Variants in NAV3 observed in about 807,000 individuals in gnomAD.
NAV3 encodes the protein pore membrane and/or filament interacting like protein 1.
Under a neutral mutation model 244.7 loss-of-function variants are expected in NAV3, and 87 were observed. The ratio of observed to expected loss-of-function variants is 0.36; its 90% confidence interval spans 0.30 to 0.42. The LOEUF is 0.42. Among genes scored for constraint, NAV3 ranks in the 20% least tolerant of loss-of-function variants. The pLI is 1.00. For synonymous variants in NAV3, 1,126 were observed against 1,042.2 expected (o/e 1.08, Z -1.55); for missense variants, 2,663 against 2,893.3 (o/e 0.92, Z 1.83).
At chr12:77,745,258 G>A (rs1868477172) in intron 2 of NAV3, among the ~76,000 whole-genome samples, 3 of 152,006 alleles carry the variant, frequency 2.0e-5, no homozygotes, top group African/African-American at 7.2e-5. Flanking sequence ...GCATGCAACT[G>A]AGGTTTTCTT....
At chr12:77,654,389 G>A (rs1872978093) in intron 2 of NAV3, among the ~76,000 whole-genome samples, 1 of 152,226 alleles carries the variant, frequency 6.6e-6, no homozygotes, top group Non-Finnish European at 1.5e-5. Flanking sequence ...CAAGGCGGCA[G>A]CGAGGCTGGG....
intron 2 of NAV3, among the ~76,000 whole-genome samples, chr12:77,607,750 G>T (rs1446149305): frequency 6.6e-6 from 1 of 152,004 alleles, no homozygotes; most frequent in Non-Finnish European, 1.5e-5. Context: ...CTTAATCCCA[G>T]ACTGCCTTGC....
At chr12:78,095,064 T>TATACACAC (rs1272776469) in intron 12 of NAV3, among the ~76,000 whole-genome samples, 4 of 137,578 alleles carry the variant, frequency 2.9e-5, no homozygotes, top group African/African-American at 8.2e-5. Flanking sequence ...TATATATATA[T>TATACACAC]ACACACACAC....
intron 2 of NAV3, among the ~76,000 whole-genome samples, chr12:77,660,655 GT>G (rs1331919800): frequency 6.6e-6 from 1 of 152,082 alleles, no homozygotes; most frequent in Non-Finnish European, 1.5e-5. Flanking sequence ...ATACAGACAT[GT>G]TTAGGTATAA....
In NAV3 at chr12:77,742,115, C is replaced by A. The variant is rs192637880; in HGVS notation, c.72+169849C>A. Among the ~76,000 whole-genome samples, 120 of 152,064 alleles carry A rather than the reference C, an allele frequency of 7.9e-4. 2 individuals carry two copies. The highest frequency in any genetic ancestry group is 7.8e-3 in the Admixed American group (119 of 15,252). On this transcript the variant is annotated intron_variant, in intron 2 of 8. Transcript: ENST00000550042. The stretch of plus-strand genomic sequence containing the variant: ...TTTCTTCACTAGTATACCTAAAAAT[C>A]TTTGATTAGTGATCCATTTTTCATC...
intron 1 of NAV3, among the ~76,000 whole-genome samples, chr12:77,854,521 A>T (rs1024379500): frequency 2.0e-5 from 3 of 152,086 alleles, no homozygotes; most frequent in Admixed American, 6.6e-5. Context: ...TTTGATGTAA[A>T]AGTAACTGAA....
chr12:77,745,200 C>T (rs2137415832), intron 2 of NAV3, among the ~76,000 whole-genome samples: 1 of 152,092 alleles, frequency 6.6e-6, no homozygotes, highest in Admixed American at 6.6e-5. Flanking sequence ...TCAAATTAGT[C>T]ATTAAAACCA....
At chr12:77,961,026 G>A (rs1408149870) in intron 3 of NAV3, among the ~76,000 whole-genome samples, 1 of 130,726 alleles carries the variant, frequency 7.6e-6, no homozygotes, top group Non-Finnish European at 1.6e-5. Flanking sequence ...TATGTTACAT[G>A]TATACGCATA....
intron 1 of NAV3, among the ~76,000 whole-genome samples, chr12:77,880,170 T>A (rs543719425): frequency 6.6e-6 from 1 of 152,256 alleles, no homozygotes; most frequent in Non-Finnish European, 1.5e-5. Context: ...TAAAAATATA[T>A]CTGAACCTCC....
intron 8 of NAV3, among the ~76,000 whole-genome samples, chr12:78,020,059 C>G (rs539561337): frequency 2.0e-5 from 3 of 152,148 alleles, no homozygotes; most frequent in African/African-American, 7.2e-5. Flanking sequence ...TTTAGAGAGA[C>G]TATAGACAAA....
In NAV3 at chr12:77,671,679, G is replaced by A. The variant is rs114442352; in HGVS notation, c.72+99413G>A. On this transcript the variant is annotated intron_variant, in intron 2 of 8. Transcript: ENST00000550042. ...AGAGTGGGGAAAGGACACCCTATTC[G>A]ACAAATGATGGGATAATTGGCAAGC... Among the ~76,000 whole-genome samples the A allele has an allele frequency of 1.4e-3, 213 of 151,954 alleles. 1 individual carries two copies. The highest frequency in any genetic ancestry group is 4.2e-3 in the African/African-American group (175 of 41,514).
chr12:77,650,610 T>A (rs1233613148), intron 2 of NAV3, among the ~76,000 whole-genome samples: 1 of 152,190 alleles, frequency 6.6e-6, no homozygotes, highest in Non-Finnish European at 1.5e-5. Flanking sequence ...TTTCTATATG[T>A]GCTTGACTTT....
intron 39 of NAV3, among the ~76,000 whole-genome samples, chr12:78,208,528 ATCT>A (rs1421566133): frequency 6.6e-6 from 1 of 152,186 alleles, no homozygotes; most frequent in South Asian, 2.1e-4. Context: ...ATCATACGTA[ATCT>A]TCTCTTGTAA....
At chr12:77,915,929 G>A (rs749518747) in intron 1 of NAV3, among the ~76,000 whole-genome samples, 14 of 152,016 alleles carry the variant, frequency 9.2e-5, no homozygotes, top group Non-Finnish European at 1.8e-4. Context: ...CCAATGAGAT[G>A]AGTGAAAGTA....
intron 3 of NAV3, among the ~76,000 whole-genome samples, chr12:77,944,625 A>G (rs531753522): frequency 6.6e-6 from 1 of 152,190 alleles, no homozygotes; most frequent in Non-Finnish European, 1.5e-5. Context: ...GTTAGAATAT[A>G]CTGAAAAAAT....
chr12:77,773,472 A>G (rs1325085515), intron 2 of NAV3, among the ~76,000 whole-genome samples: 2 of 152,216 alleles, frequency 1.3e-5, no homozygotes, highest in Non-Finnish European at 2.9e-5. Flanking sequence ...ACTAAATGGT[A>G]GGAACATTTA....
chr12:78,176,566 T>C, intron 26 of NAV3, 107 bp downstream of exon 26: 3 of 988,416 alleles, frequency 3.0e-6, no homozygotes, highest in Non-Finnish European at 4.6e-6. Context: ...TAAAACAGAT[T>C]ACCTTGTATG....
intron 2 of NAV3, among the ~76,000 whole-genome samples, chr12:77,585,692 G>A (rs1869572282): frequency 6.6e-6 from 1 of 152,126 alleles, no homozygotes; most frequent in Admixed American, 6.5e-5. Context: ...CCTACAGGAG[G>A]TGATCGGGCA....
At chr12:77,859,845 T>G (rs1019556437) in intron 1 of NAV3, among the ~76,000 whole-genome samples, 1 of 151,490 alleles carries the variant, frequency 6.6e-6, no homozygotes, top group Non-Finnish European at 1.5e-5. Flanking sequence ...AAATGATAAT[T>G]TTGCCCTGAA....
Sources: allele counts gnomAD v4.1 joint callset (sites outside exome capture counted in the v4.1 genomes callset), GRCh38; gene constraint gnomAD v4.1.1; transcripts MANE v1.5; gene names NCBI Gene and HGNC (gene_info 2026-07-23, HGNC 2026-07-21).